NFIB: variants seen among roughly 807,000 people sequenced by gnomAD.
NFIB encodes the protein nuclear factor I B.
A neutral mutation model predicts 61.5 loss-of-function variants in NFIB; 11 were observed. The observed-to-expected ratio is 0.18, with a 90% CI of 0.11 to 0.30. The LOEUF (loss-of-function observed/expected upper bound fraction) is 0.30, where lower values mean the gene tolerates loss of function less well. Among genes scored for constraint, NFIB ranks in the 10% least tolerant of loss-of-function variants. NFIB has a pLI of 1.00. For synonymous variants in NFIB, 260 were observed against 216.5 expected, an observed-to-expected ratio of 1.20 and a Z score of -1.76; for missense variants, 471 against 608.9, an observed-to-expected ratio of 0.77 and a Z score of 2.38.
At chr9:14,243,161 A>G (rs938877368) in intron 2 of NFIB, among the ~76,000 whole-genome samples, 1 of 152,178 alleles carries the variant, frequency 6.6e-6, no homozygotes, top group African/African-American at 2.4e-5. Context: ...TTTAAATGAC[A>G]TTCCTTCCCT....
At chr9:14,314,298 C>G (rs1356782419), upstream of NFIB, 4 of 336,258 alleles carry the variant, frequency 1.2e-5, no homozygotes, top group African/African-American at 6.7e-5. Context: ...CAGCCGCCGC[C>G]GCCCGCGCCG....
the NFIB span, among the ~76,000 whole-genome samples, chr9:14,498,611 G>A: frequency 3.9e-5 from 6 of 152,156 alleles, no homozygotes; most frequent in Admixed American, 1.3e-4. Flanking sequence ...GAGGAGCCGC[G>A]GCATAAACTT....
At chr9:14,139,523 C>G (rs1162532077) in intron 6 of NFIB, among the ~76,000 whole-genome samples, 2 of 152,220 alleles carry the variant, frequency 1.3e-5, no homozygotes, top group East Asian at 3.9e-4. Flanking sequence ...AAGCTAGAAA[C>G]CCAGTATTAA....
chr9:14,258,851 G>C (rs1175867172), intron 2 of NFIB, among the ~76,000 whole-genome samples: 1 of 152,112 alleles, frequency 6.6e-6, no homozygotes. Flanking sequence ...CAACACACTT[G>C]CTCAACTTGA....
At chr9:14,311,637 G>T (rs1263672035) in intron 1 of NFIB, among the ~76,000 whole-genome samples, 1 of 152,138 alleles carries the variant, frequency 6.6e-6, no homozygotes, top group Non-Finnish European at 1.5e-5. Context: ...TCTCAATGCT[G>T]CAATATTATC....
At chr9:14,385,990 C>T (rs1460413008) in intron 1 of NFIB, among the ~76,000 whole-genome samples, 2 of 152,020 alleles carry the variant, frequency 1.3e-5, no homozygotes, top group East Asian at 3.9e-4. Flanking sequence ...GCCATGTTTT[C>T]CAGGCTGGTC....
chr9:14,481,197 G>GTGTGTGTATATATATA, the NFIB span, among the ~76,000 whole-genome samples: 1 of 45,844 alleles, frequency 2.2e-5, no homozygotes, highest in Non-Finnish European at 3.9e-5. Context: ...GTGTGTGTGT[G>GTGTGTGTATATATATA]TATATATATA....
chr9:14,081,961 G>C lies in NFIB; in HGVS notation c.*6348C>G, dbSNP rs1296890244. The C allele has an allele frequency of 9.7e-6, 2 of 205,490 alleles. No homozygotes were observed. The highest frequency in any genetic ancestry group is 4.6e-5 in the African/African-American group (2 of 43,774). 12.7% of individuals were successfully genotyped at this position (205,490 alleles called of 1,614,324 possible). On this transcript the variant is annotated 3_prime_UTR_variant, in exon 11 of 11. Transcript: ENST00000380953. Reference sequence around the variant, plus strand: ...CTAGCAGTATAGGCTGGATATAACAGTAACAATCACATTAAGTCAAGCTTG... The same window carrying C: ...CTAGCAGTATAGGCTGGATATAACACTAACAATCACATTAAGTCAAGCTTG...
At chr9:14,306,499 A>G (rs919806442) in intron 2 of NFIB, among the ~76,000 whole-genome samples, 2 of 152,164 alleles carry the variant, frequency 1.3e-5, no homozygotes, top group African/African-American at 4.8e-5. Flanking sequence ...CATTAGTTCT[A>G]TTTTCAGTGC....
At chr9:14,363,162 G>T (rs947929535) in intron 1 of NFIB, among the ~76,000 whole-genome samples, 1 of 152,134 alleles carries the variant, frequency 6.6e-6, no homozygotes, top group African/African-American at 2.4e-5. Flanking sequence ...CAATAAAATT[G>T]TAAAAATTAA....
intron 2 of NFIB, among the ~76,000 whole-genome samples, chr9:14,297,946 T>C (rs1357990820): frequency 7.2e-5 from 11 of 152,174 alleles, no homozygotes. Flanking sequence ...TAAAATTCGC[T>C]ATTTTTGCAC....
intron 1 of NFIB, among the ~76,000 whole-genome samples, chr9:14,350,327 C>T (rs1489357678): frequency 6.6e-6 from 1 of 152,124 alleles, no homozygotes; most frequent in African/African-American, 2.4e-5. Flanking sequence ...AAACGAAGGG[C>T]GTTTCTCTAA....
Position 14,112,898 on chromosome 9 carries a change from C to T in NFIB, c.1467+101G>A, listed in dbSNP as rs1320375101. The T allele has an allele frequency of 2.5e-5, 27 of 1,072,028 alleles. No individual in the cohort carries two copies. In the South Asian group the frequency reaches 4.2e-4, roughly 17 times the overall value. The allele number at this position is 1,072,028 out of a possible 1,614,324, so 66.4% of individuals were successfully genotyped here. A position where few individuals can be genotyped will look rare whatever the true frequency, so the allele number is the denominator to read the frequency against. On this transcript the variant is annotated intron_variant, in intron 10 of 10. Coordinates refer to ENST00000380953, the MANE Select transcript of NFIB (RefSeq NM_001190737.2). ...AAATGATCAGTTTTGGTCTCAGAAG[C>T]CCCGGGAGCCCCCTTCTGAGTCCGG...
chr9:14,521,813 C>T, the NFIB span, among the ~76,000 whole-genome samples: 2 of 152,170 alleles, frequency 1.3e-5, no homozygotes, highest in African/African-American at 4.8e-5. Context: ...CTATCCCTTG[C>T]GTGGGGAGAT....
At chr9:14,347,238 G>C (rs1301262848) in intron 1 of NFIB, 3 of 152,290 alleles carry the variant, frequency 2.0e-5, no homozygotes, top group Non-Finnish European at 4.4e-5. Flanking sequence ...AAAGCGAGGT[G>C]GGGGAGGAGG....
At chr9:14,382,946 C>A (rs905421093) in intron 1 of NFIB, among the ~76,000 whole-genome samples, 13 of 152,144 alleles carry the variant, frequency 8.5e-5, no homozygotes, top group Admixed American at 4.6e-4. Flanking sequence ...GTTTCTCAGG[C>A]TGGGTATCTG....
At chr9:14,258,440 A>T (rs2056436515) in intron 2 of NFIB, among the ~76,000 whole-genome samples, 1 of 152,218 alleles carries the variant, frequency 6.6e-6, no homozygotes, top group Admixed American at 6.5e-5. Flanking sequence ...CCCAGCCAGA[A>T]CTTCTTCTGC....
At chr9:14,253,062 T>A (rs1022131492) in intron 2 of NFIB, among the ~76,000 whole-genome samples, 1 of 152,232 alleles carries the variant, frequency 6.6e-6, no homozygotes, top group African/African-American at 2.4e-5. Context: ...ATAATTTTCA[T>A]TCATTCCATC....
intron 3 of NFIB, among the ~76,000 whole-genome samples, chr9:14,172,476 T>G (rs927140101): frequency 1.3e-5 from 2 of 152,170 alleles, no homozygotes; most frequent in Non-Finnish European, 2.9e-5. Context: ...TAATACAAGC[T>G]TCTACAAGAT....
Sources: allele counts gnomAD v4.1 joint callset (sites outside exome capture counted in the v4.1 genomes callset), GRCh38; gene constraint gnomAD v4.1.1; transcripts MANE v1.5; gene names NCBI Gene and HGNC (gene_info 2026-07-23, HGNC 2026-07-21).